The following TMEM87B variants were observed in gnomAD, a reference collection of about 807,000 sequenced individuals.
The protein encoded by TMEM87B is transmembrane protein 87B.
Under a neutral mutation model 80.3 loss-of-function variants are expected in TMEM87B, and 83 were observed. The ratio of observed to expected loss-of-function variants is 1.03; its 90% CI spans 0.87 to 1.24. The LOEUF (loss-of-function observed/expected upper bound fraction) is 1.24, where lower values mean the gene tolerates loss of function less well. TMEM87B is among the 50% of genes most tolerant of loss of function. The probability of loss-of-function intolerance (pLI) is 0.00; values close to 1 mark genes in which losing one functional copy is unlikely to be tolerated. For synonymous variants in TMEM87B, 219 were observed against 230.5 expected, an observed-to-expected ratio of 0.95 and a Z score of 0.45; for missense variants, 625 against 674.4, an observed-to-expected ratio of 0.93 and a Z score of 0.81.
rs747810755 is a variant in TMEM87B at position 112,118,563 on chromosome 2, A to G, written c.*2420A>G. Reference sequence around the variant, plus strand: ...ATGATTTGATTTAGATTAGTATTTAAATATCTGCTTTAGATAGCAATTAAT... The same window carrying G: ...ATGATTTGATTTAGATTAGTATTTAGATATCTGCTTTAGATAGCAATTAAT... On this transcript the variant is annotated 3_prime_UTR_variant, in exon 19 of 19. Transcript: ENST00000283206. 3.9e-5 allele frequency: 6 copies of G among 152,202 alleles called. No individual in the cohort carries two copies. Among genetic ancestry groups the G allele is most frequent in the Non-Finnish European group, 8.8e-5 (6 of 68,032 alleles). The allele number at this position is 152,202 out of a possible 1,614,324, so 9.4% of individuals were successfully genotyped here. A position where few individuals can be genotyped will look rare whatever the true frequency, so the allele number is the denominator to read the frequency against.
intron 15 of TMEM87B, 95 bp from the exon 16 acceptor site, chr2:112,105,907 A>G (rs1679752079): frequency 2.3e-6 from 2 of 862,620 alleles, no homozygotes; most frequent in Non-Finnish European, 1.6e-6. Flanking sequence ...TCCATTTCTA[A>G]AAAGATATAG....
Position 112,098,642 on chromosome 2 carries a change from T to C in TMEM87B, c.1320T>C (p.Phe440=). ...ACGATGCATTTTGGAGCTTCCTTTT[T>C]TCGCTTATCCTTATTGTAATCATGT... ...WVDDAFWSFL[F]SLILIVIMFL... is the part of the protein sequence containing the mutation. The change falls in exon 14 of 19, where the codon TTT becomes TTC. Residue 440 remains phenylalanine, a synonymous_variant. Coordinates refer to ENST00000283206, the MANE Select transcript of TMEM87B (RefSeq NM_032824.3). 1.2e-6 allele frequency: 2 copies of C among 1,614,204 alleles called. No individual in the cohort carries two copies. The highest frequency in any genetic ancestry group is 1.7e-6 in the Non-Finnish European group (2 of 1,180,038).
At chr2:112,065,383 C>T (rs1036281020) in intron 3 of TMEM87B, among the ~76,000 whole-genome samples, 1 of 152,096 alleles carries the variant, frequency 6.6e-6, no homozygotes, top group Non-Finnish European at 1.5e-5. Flanking sequence ...GGGTGGGTCA[C>T]ACCTGTAATT....
At chr2:112,097,342 T>C in intron 13 of TMEM87B, 51 bp downstream of exon 13, 1 of 1,434,874 alleles carries the variant, frequency 7.0e-7, no homozygotes, top group Non-Finnish European at 9.5e-7. Context: ...TACTATTTTG[T>C]AGAATTTTGA....
At chr2:112,071,368 C>T (rs533376051) in intron 4 of TMEM87B, among the ~76,000 whole-genome samples, 2 of 146,788 alleles carry the variant, frequency 1.4e-5, no homozygotes, top group Non-Finnish European at 3.0e-5. Context: ...ATGGCGCAGT[C>T]TCTGCTCACT....
rs549890948 is a variant in TMEM87B, at chr2:112,112,947, A to C, written c.1608+18A>C. The C allele has an allele frequency of 1.2e-6, 2 of 1,608,826 alleles. No individual in the cohort carries two copies. The highest frequency in any genetic ancestry group is 1.3e-5 in the African/African-American group (1 of 74,736). ...CAGATGAGGTAAAATATATTTTTGC[A>C]TATTTCCTTGGAGCTGATATTTTCA... On this transcript the variant is annotated intron_variant, in intron 18 of 18. Transcript: ENST00000283206.
At chr2:112,060,933 T>TTGTTTTTTG (rs1264914139) in intron 2 of TMEM87B, among the ~76,000 whole-genome samples, 1 of 152,186 alleles carries the variant, frequency 6.6e-6, no homozygotes, top group Non-Finnish European at 1.5e-5. Context: ...CAAAAAAAAT[T>TTGTTTTTTG]TGTTTTTTGT....
At chr2:112,079,993 G>A (rs1366150701) in intron 6 of TMEM87B, among the ~76,000 whole-genome samples, 1 of 134,344 alleles carries the variant, frequency 7.4e-6, no homozygotes, top group Non-Finnish European at 1.5e-5. Flanking sequence ...GCGGTGGCAC[G>A]ATCTCGGCTC....
chr2:112,094,756 A>G (rs183779396), intron 11 of TMEM87B, among the ~76,000 whole-genome samples: 51 of 152,314 alleles, frequency 3.3e-4, no homozygotes, highest in African/African-American at 1.0e-3. Context: ...AATGTGAAAG[A>G]TCTTTAGTGT....
At chr2:112,081,654 G>A (rs1314391579) in intron 8 of TMEM87B, 136 bp downstream of exon 8, 2 of 748,736 alleles carry the variant, frequency 2.7e-6, no homozygotes, top group Non-Finnish European at 4.1e-6. Flanking sequence ...GGAAAGCCAA[G>A]GAAAGAATGT....
rs1257062302 is a variant in TMEM87B at position 112,119,122 on chromosome 2, CATTT to C, written c.*2984_*2987del. On this transcript the variant is annotated 3_prime_UTR_variant, in exon 19 of 19. Transcript: ENST00000283206. The stretch of plus-strand genomic sequence containing the variant: ...AGAGACTTCATTAAAACTAAGAAAA[CATTT>C]ATTTGGGGAGAAATTTTAGGCATTT... 3 of 151,970 alleles carry C rather than the reference CATTT, an allele frequency of 2.0e-5. No homozygotes were observed. Among genetic ancestry groups the C allele is most frequent in the Non-Finnish European group, 2.9e-5 (2 of 67,984 alleles). 9.4% of individuals were successfully genotyped at this position (151,970 alleles called of 1,614,324 possible).
chr2:112,112,129 G>A (rs187380129), intron 17 of TMEM87B, among the ~76,000 whole-genome samples: 139 of 152,310 alleles, frequency 9.1e-4, no homozygotes, highest in Non-Finnish European at 1.7e-3. Flanking sequence ...ATCCTCTGGC[G>A]TTGTGCGTGG....
At position 112,071,320 on chromosome 2, in the gene TMEM87B, G is replaced by A. The variant is rs1374728462; in HGVS notation, c.451-3592G>A. On this transcript the variant is annotated intron_variant, in intron 4 of 18. Coordinates refer to ENST00000283206, the MANE Select transcript of TMEM87B (RefSeq NM_032824.3). ...ATTCCCCCCCCGCCCCCCCGCCGCC[G>A]CCACCACTGCCCACTCTGTCATCCA... is the stretch of plus-strand genomic sequence containing the variant. Among the ~76,000 whole-genome samples the A allele has an allele frequency of 7.4e-4, 38 of 51,532 alleles. No homozygotes were observed. The East Asian group carries it at 7.9e-3, about 11-fold the overall frequency. 33.8% of individuals were successfully genotyped at this position (51,532 alleles called of 152,430 possible).
At chr2:112,095,159 T>C in intron 11 of TMEM87B, 1 of 919,888 alleles carries the variant, frequency 1.1e-6, no homozygotes, top group Non-Finnish European at 1.3e-6. Context: ...TTTCTTTTCT[T>C]TCTTTCTTTT....
chr2:112,067,303 A>G (rs953250070), intron 4 of TMEM87B, among the ~76,000 whole-genome samples: 5 of 152,224 alleles, frequency 3.3e-5, no homozygotes, highest in Non-Finnish European at 7.3e-5. Flanking sequence ...TGTGTATAGT[A>G]GTACATAATA....
At chr2:112,096,477 G>A (rs4241121) in intron 11 of TMEM87B, among the ~76,000 whole-genome samples, 85,364 of 151,990 alleles carry the variant, frequency 0.56, 24,765 homozygotes, top group East Asian at 0.87. Context: ...TCCTATTGCA[G>A]TAATCCTCCC....
rs1055582186 is a variant in TMEM87B at position 112,100,616 on chromosome 2, C to T, written c.1377-6C>T. The stretch of plus-strand genomic sequence containing the variant: ...CTAGTAAAACTACTCCTTGTTTTTG[C>T]TATAGATATGCCTTCATGCCCTTAA... On this transcript the variant is annotated splice_region_variant and splice_polypyrimidine_tract_variant and intron_variant, in intron 14 of 18. Transcript: ENST00000283206. 1 of 1,596,838 alleles carries T rather than the reference C, an allele frequency of 6.3e-7. No homozygotes were observed. The highest frequency in any genetic ancestry group is 8.6e-7 in the Non-Finnish European group (1 of 1,167,950).
intron 5 of TMEM87B, among the ~76,000 whole-genome samples, chr2:112,076,382 T>G (rs1006197399): frequency 3.3e-5 from 5 of 152,194 alleles, no homozygotes; most frequent in Non-Finnish European, 7.3e-5. Flanking sequence ...TTCTGTCACC[T>G]AGGCTGGTGT....
In TMEM87B at chr2:112,063,346, G is replaced by C. The variant is rs572625415; in HGVS notation, c.227-816G>C. Among the ~76,000 whole-genome samples, 151 of 152,300 alleles carry C rather than the reference G, an allele frequency of 9.9e-4. 2 individuals carry two copies. The highest frequency in any genetic ancestry group is 3.5e-3 in the African/African-American group (146 of 41,574). On this transcript the variant is annotated intron_variant, in intron 2 of 18. Coordinates refer to ENST00000283206, the MANE Select transcript of TMEM87B (RefSeq NM_032824.3). ...AGCTCTCCTTAACTCCAGACTTAAT[G>C]CTTTTCAGTCTGCCTATTTGTGTCA...
Sources: allele counts gnomAD v4.1 joint callset (sites outside exome capture counted in the v4.1 genomes callset), GRCh38; gene constraint gnomAD v4.1.1; transcripts MANE v1.5; gene names NCBI Gene and HGNC (gene_info 2026-07-23, HGNC 2026-07-21).